TGFBR1: variants seen among roughly 807,000 people sequenced by gnomAD.
TGFBR1 encodes the protein TGF-beta receptor type-1.
Under a neutral mutation model 55.1 loss-of-function variants are expected in TGFBR1, and 20 were observed. That is an observed-to-expected ratio of 0.36 (90% CI 0.26 to 0.53). The LOEUF (loss-of-function observed/expected upper bound fraction) is 0.53, where lower values mean the gene tolerates loss of function less well. TGFBR1 is among the 20% of genes least tolerant of loss of function. The pLI, the probability that TGFBR1 is intolerant of heterozygous loss-of-function variation, is 0.91. For missense variants in TGFBR1, 385 were observed against 617.6 expected (o/e 0.62, Z 3.99); for synonymous variants, 220 against 214.8 (o/e 1.02, Z -0.21).
chr9:99,146,792 C>T (rs751797838), intron 7 of TGFBR1, among the ~76,000 whole-genome samples, 183 bp downstream of exon 7: 13 of 152,182 alleles, frequency 8.5e-5, no homozygotes, highest in Non-Finnish European at 1.8e-4. Context: ...TGTGCACATG[C>T]ACAGCTCTAG....
intron 5 of TGFBR1, 111 bp from the exon 6 acceptor site, chr9:99,144,621 G>T: frequency 8.1e-7 from 1 of 1,236,864 alleles, no homozygotes; most frequent in East Asian, 2.3e-5. Context: ...GGTCATGTGG[G>T]CTGAAATGCT....
At chr9:99,132,310 G>C (rs1409640763) in intron 2 of TGFBR1, among the ~76,000 whole-genome samples, 199 bp from the exon 3 acceptor site, 1 of 152,120 alleles carries the variant, frequency 6.6e-6, no homozygotes, top group Non-Finnish European at 1.5e-5. Context: ...GAGCTGGTGT[G>C]CATAAAAGGA....
intron 4 of TGFBR1, among the ~76,000 whole-genome samples, chr9:99,141,439 A>T (rs1827614182): frequency 6.6e-6 from 1 of 152,048 alleles, no homozygotes; most frequent in Non-Finnish European, 1.5e-5. Flanking sequence ...GTCAATATGG[A>T]TTTTTTCTTT....
At position 99,138,093 on chromosome 9, in the gene TGFBR1, TG is replaced by T. The variant is rs1300823570; in HGVS notation, c.805+5del. The T allele has an allele frequency of 1.2e-6, 2 of 1,611,900 alleles. No individual in the cohort carries two copies. Among genetic ancestry groups the T allele is most frequent in the Non-Finnish European group, 1.7e-6 (2 of 1,177,986 alleles). ...TTTATAGCAGCAGACAATAAAGGTC[TG>T]TAACATTTGCTTTTCCTTATGTTAT... On this transcript the variant is annotated splice_donor_5th_base_variant and intron_variant, in intron 4 of 8. Transcript: ENST00000374994.
intron 1 of TGFBR1, among the ~76,000 whole-genome samples, chr9:99,110,352 CTTTT>C (rs1016710134): frequency 6.6e-6 from 1 of 151,642 alleles, no homozygotes; most frequent in Non-Finnish European, 1.5e-5. Flanking sequence ...TCTCTTCTCT[CTTTT>C]TTTTTCTTTG....
At chr9:99,131,192 T>C (rs917560276) in intron 2 of TGFBR1, among the ~76,000 whole-genome samples, 11 of 152,038 alleles carry the variant, frequency 7.2e-5, no homozygotes, top group Non-Finnish European at 1.3e-4. Flanking sequence ...CACATAAACA[T>C]TGGTTACCTG....
At chr9:99,132,823 C>A in intron 3 of TGFBR1, 84 bp downstream of exon 3, 1 of 1,543,190 alleles carries the variant, frequency 6.5e-7, no homozygotes, top group Non-Finnish European at 8.8e-7. Flanking sequence ...AATAAGCCAA[C>A]TTGCTAGAAT....
chr9:99,124,545 G>T (rs993189079), intron 1 of TGFBR1, among the ~76,000 whole-genome samples: 3 of 151,826 alleles, frequency 2.0e-5, no homozygotes, highest in African/African-American at 4.8e-5. Context: ...GTATCCAGGG[G>T]CCAAATCTAT....
At chr9:99,122,021 A>T (rs1826911118) in intron 1 of TGFBR1, among the ~76,000 whole-genome samples, 1 of 152,108 alleles carries the variant, frequency 6.6e-6, no homozygotes, top group Admixed American at 6.6e-5. Context: ...AAAACTAATA[A>T]AGAAAGGGTG....
chr9:99,131,264 A>T lies in TGFBR1; in HGVS notation c.344-1245A>T, dbSNP rs1007252648. Among the ~76,000 whole-genome samples, 5 of 152,286 alleles carry T rather than the reference A, an allele frequency of 3.3e-5. No homozygotes were observed. The East Asian group carries it at 9.6e-4, about 29-fold the overall frequency. ...GCTTAAATATCAAAGGGCAAATGGAACATTTTTACGATCACCTAAAATTCT... is the reference window on the plus strand; with the variant it reads ...GCTTAAATATCAAAGGGCAAATGGATCATTTTTACGATCACCTAAAATTCT... On this transcript the variant is annotated intron_variant, in intron 2 of 8. Coordinates refer to ENST00000374994, the MANE Select transcript of TGFBR1 (RefSeq NM_004612.4).
rs1171909123 is a variant in TGFBR1, at chr9:99,150,963, C to T, written c.*1658C>T. ...GAGGGGAGAAAAAACTATCATAGCT[C>T]TGAGGCAAGACTTCGACTTTATAGT... On this transcript the variant is annotated 3_prime_UTR_variant, in exon 9 of 9. Coordinates refer to ENST00000374994, the MANE Select transcript of TGFBR1 (RefSeq NM_004612.4). 2 of 226,624 alleles carry T rather than the reference C, an allele frequency of 8.8e-6. No homozygotes were observed. Among genetic ancestry groups the T allele is most frequent in the Admixed American group, 5.7e-5 (1 of 17,520 alleles). The allele number at this position is 226,624 out of a possible 1,614,324, so 14.0% of individuals were successfully genotyped here. A position where few individuals can be genotyped will look rare whatever the true frequency, so the allele number is the denominator to read the frequency against.
chr9:99,132,818 G>T, intron 3 of TGFBR1, 79 bp downstream of exon 3: 2 of 1,552,486 alleles, frequency 1.3e-6, no homozygotes. Context: ...TTTCTAATAA[G>T]CCAACTTGCT....
intron 1 of TGFBR1, among the ~76,000 whole-genome samples, chr9:99,121,436 C>G (rs1826896500): frequency 6.6e-6 from 1 of 151,940 alleles, no homozygotes; most frequent in Non-Finnish European, 1.5e-5. Context: ...ATGCTTTACT[C>G]CAAAGCTGGA....
intron 6 of TGFBR1, among the ~76,000 whole-genome samples, chr9:99,145,607 A>C (rs911867375): frequency 6.6e-6 from 1 of 152,228 alleles, no homozygotes; most frequent in Non-Finnish European, 1.5e-5. Context: ...AAAAGAACTT[A>C]ATTAGGTAGG....
In TGFBR1 at chr9:99,136,179, C is replaced by T. The variant is rs147500968; in HGVS notation, c.575-1680C>T. Among the ~76,000 whole-genome samples, 588 of 152,164 alleles carry T rather than the reference C, an allele frequency of 3.9e-3. 2 individuals are homozygous for T. The highest frequency in any genetic ancestry group is 5.9e-3 in the Non-Finnish European group (400 of 67,994). ...CAATTGTTAACTTTTTAAAAATGCT[C>T]AACTATTCATGTGAAGTAATCCAAT... On this transcript the variant is annotated intron_variant, in intron 3 of 8. Transcript: ENST00000374994.
At chr9:99,125,999 A>G (rs1200207189) in intron 1 of TGFBR1, among the ~76,000 whole-genome samples, 1 of 152,206 alleles carries the variant, frequency 6.6e-6, no homozygotes, top group Non-Finnish European at 1.5e-5. Flanking sequence ...TTCTAAAGGT[A>G]TGCAAAGAGC....
At position 99,151,408 on chromosome 9, in the gene TGFBR1, T is replaced by TG. The variant is rs36064078; in HGVS notation, c.*2103_*2104insG. 0.26 allele frequency: 58,588 copies of TG among 222,278 alleles called. 7,389 individuals carry two copies. Among genetic ancestry groups the TG allele is most frequent in the East Asian group, 0.48 (7,436 of 15,650 alleles). 13.8% of individuals were successfully genotyped at this position (222,278 alleles called of 1,614,324 possible). A position where few individuals can be genotyped will look rare whatever the true frequency, so the allele number is the denominator to read the frequency against. On this transcript the variant is annotated 3_prime_UTR_variant, in exon 9 of 9. Coordinates refer to ENST00000374994, the MANE Select transcript of TGFBR1 (RefSeq NM_004612.4). ...GGGGTTTTTTTTTTGTTTTTTTTTTTTTGTTGTTGTTTTTGGGCCATTTCT... is the reference window on the plus strand; with the variant it reads ...GGGGTTTTTTTTTTGTTTTTTTTTTTGTTGTTGTTGTTTTTGGGCCATTTCT...
At chr9:99,137,454 G>C (rs1827472055) in intron 3 of TGFBR1, among the ~76,000 whole-genome samples, 1 of 152,038 alleles carries the variant, frequency 6.6e-6, no homozygotes, top group Non-Finnish European at 1.5e-5. Context: ...TTCATCTTCT[G>C]GTGACAGCTT....
chr9:99,123,260 T>A (rs1049934324), intron 1 of TGFBR1, among the ~76,000 whole-genome samples: 8 of 152,258 alleles, frequency 5.3e-5, no homozygotes, highest in African/African-American at 1.9e-4. Flanking sequence ...GAGTTTTCTT[T>A]TTACTTTGAT....
Sources: gnomAD v4.1 joint callset for allele counts (sites outside exome capture counted in the v4.1 genomes callset) on GRCh38, gnomAD v4.1.1 for gene constraint, MANE v1.5 for transcripts, NCBI Gene and HGNC (gene_info 2026-07-23, HGNC 2026-07-21) for gene names.